RMDN2: variants seen among roughly 807,000 people sequenced by gnomAD.
RMDN2 encodes the protein regulator of microtubule dynamics 2, also known as regulator of microtubule dynamics protein 2.
In RMDN2, 61 loss-of-function variants were observed where a neutral mutation model predicts 52.8. The ratio of observed to expected loss-of-function variants is 1.16; its 90% CI spans 0.94 to 1.43. The LOEUF (loss-of-function observed/expected upper bound fraction) is 1.43, where lower values mean the gene tolerates loss of function less well. RMDN2 is among the 40% of genes most tolerant of loss of function. The probability of loss-of-function intolerance (pLI) is 0.00; values close to 1 mark genes in which losing one functional copy is unlikely to be tolerated. For synonymous variants in RMDN2, 180 were observed against 153.1 expected, an observed-to-expected ratio of 1.18 and a Z score of -1.30; for missense variants, 592 against 475.3, an observed-to-expected ratio of 1.25 and a Z score of -2.28.
At chr2:38,054,492 G>T (rs1681769977) in intron 10 of RMDN2, among the ~76,000 whole-genome samples, 1 of 152,172 alleles carries the variant, frequency 6.6e-6, no homozygotes, top group Non-Finnish European at 1.5e-5. Context: ...ATGCATTATG[G>T]ATATAGTTCA....
intron 7 of RMDN2, among the ~76,000 whole-genome samples, chr2:37,995,530 A>G (rs1675425378): frequency 6.6e-6 from 1 of 152,240 alleles, no homozygotes; most frequent in Non-Finnish European, 1.5e-5. Context: ...GGATAAATGT[A>G]CAGATCAACC....
chr2:37,987,215 C>A (rs1304692360), intron 5 of RMDN2, among the ~76,000 whole-genome samples: 2 of 152,068 alleles, frequency 1.3e-5, no homozygotes, highest in Admixed American at 1.3e-4. Context: ...ACACTATTTA[C>A]ATTAGCACCA....
chr2:37,987,482 G>A (rs1259367373), intron 5 of RMDN2, among the ~76,000 whole-genome samples: 1 of 152,120 alleles, frequency 6.6e-6, no homozygotes, highest in Non-Finnish European at 1.5e-5. Flanking sequence ...GACATTCTGG[G>A]AAAGACCAAA....
chr2:37,997,568 A>G lies in RMDN2; in HGVS notation c.1044+54A>G, dbSNP rs763040218. On this transcript the variant is annotated intron_variant, in intron 8 of 10. Coordinates refer to ENST00000354545, the MANE Select transcript of RMDN2 (RefSeq NM_001170791.3). ...GTCAGACTGATTACCATCTGCACCA[A>G]TCCCTGCTGCCGTTGTCAAGGAAAT... 3.6e-6 allele frequency: 4 copies of G among 1,106,688 alleles called. No homozygotes were observed. The South Asian group carries it at 3.8e-5, about 10-fold the overall frequency. The allele number at this position is 1,106,688 out of a possible 1,614,324, so 68.6% of individuals were successfully genotyped here.
chr2:37,939,674 G>C (rs1008208198), intron 2 of RMDN2, among the ~76,000 whole-genome samples: 2 of 152,066 alleles, frequency 1.3e-5, no homozygotes, highest in Non-Finnish European at 2.9e-5. Flanking sequence ...ATGTATGTTG[G>C]TTTAAAGTCT....
chr2:38,001,504 A>C (rs1676318170), intron 8 of RMDN2, among the ~76,000 whole-genome samples: 1 of 152,202 alleles, frequency 6.6e-6, no homozygotes, highest in Non-Finnish European at 1.5e-5. Context: ...TGGGCTTCAG[A>C]TTTTTAAACC....
At chr2:38,002,356 T>C (rs1293012667) in intron 8 of RMDN2, among the ~76,000 whole-genome samples, 3 of 152,142 alleles carry the variant, frequency 2.0e-5, no homozygotes, top group Admixed American at 1.3e-4. Context: ...GGAGAATAAA[T>C]CAAGATGTCC....
At chr2:37,955,575 G>A (rs1028507394) in intron 2 of RMDN2, among the ~76,000 whole-genome samples, 4 of 152,100 alleles carry the variant, frequency 2.6e-5, no homozygotes, top group Non-Finnish European at 5.9e-5. Flanking sequence ...GACCCAGGGG[G>A]AGGTAATTGA....
chr2:37,944,041 T>A (rs1400751016), intron 2 of RMDN2, among the ~76,000 whole-genome samples: 1 of 152,198 alleles, frequency 6.6e-6, no homozygotes, highest in African/African-American at 2.4e-5. Context: ...GGCTTGTCAT[T>A]TTGTTTACAC....
intron 5 of RMDN2, 143 bp downstream of exon 5, chr2:37,981,486 G>T (rs1029594118): frequency 1.7e-6 from 1 of 580,884 alleles, no homozygotes; most frequent in Non-Finnish European, 3.1e-6. Context: ...CACAGTAACT[G>T]TTCTTATTCT....
chr2:37,955,026 AT>A (rs1369738941), intron 2 of RMDN2, among the ~76,000 whole-genome samples: 2 of 152,146 alleles, frequency 1.3e-5, no homozygotes, highest in African/African-American at 2.4e-5. Context: ...AATACACCTG[AT>A]TTTTATATGT....
intron 10 of RMDN2, among the ~76,000 whole-genome samples, chr2:38,015,558 C>G (rs868121493): frequency 7.3e-6 from 1 of 137,438 alleles, no homozygotes; most frequent in Admixed American, 8.0e-5. Flanking sequence ...AGCGAGACTC[C>G]GTCTCAAAAA....
intron 2 of RMDN2, among the ~76,000 whole-genome samples, chr2:37,971,065 AATTT>A (rs1002035586): frequency 6.6e-6 from 1 of 151,846 alleles, no homozygotes; most frequent in African/African-American, 2.4e-5. Context: ...GATAAAGTCT[AATTT>A]ATTCATTTTT....
chr2:37,948,728 C>G (rs139629973), intron 2 of RMDN2, among the ~76,000 whole-genome samples: 34 of 152,212 alleles, frequency 2.2e-4, no homozygotes, highest in African/African-American at 7.9e-4. Context: ...TTTCTGATGT[C>G]TGAGCAGATC....
chr2:38,014,718 T>A (rs1234704297), intron 10 of RMDN2, among the ~76,000 whole-genome samples: 1 of 152,196 alleles, frequency 6.6e-6, no homozygotes, highest in Non-Finnish European at 1.5e-5. Context: ...TGAATATGTG[T>A]GTTTGGGTGA....
intron 2 of RMDN2, among the ~76,000 whole-genome samples, chr2:37,962,778 T>C (rs1047969850): frequency 1.3e-5 from 2 of 151,636 alleles, no homozygotes; most frequent in African/African-American, 2.4e-5. Context: ...TACCTCAGTG[T>C]CTGCTCAAAC....
chr2:38,038,199 C>T (rs1265108784), intron 10 of RMDN2, among the ~76,000 whole-genome samples: 1 of 152,158 alleles, frequency 6.6e-6, no homozygotes, highest in African/African-American at 2.4e-5. Context: ...CGGGACTTTC[C>T]ACTGGAGGCT....
intron 2 of RMDN2, among the ~76,000 whole-genome samples, chr2:37,970,844 A>T (rs938664063): frequency 6.6e-6 from 1 of 152,164 alleles, no homozygotes; most frequent in African/African-American, 2.4e-5. Context: ...TCCATCTTTT[A>T]AATTACATAA....
intron 10 of RMDN2, among the ~76,000 whole-genome samples, chr2:38,031,312 G>GAGT (rs1187729046): frequency 6.8e-6 from 1 of 146,514 alleles, no homozygotes; most frequent in Non-Finnish European, 1.5e-5. Flanking sequence ...GCCCAGGCTG[G>GAGT]AGTGCAGTGG....
Sources: gnomAD v4.1 joint callset for allele counts (sites outside exome capture counted in the v4.1 genomes callset) on GRCh38, gnomAD v4.1.1 for gene constraint, MANE v1.5 for transcripts, NCBI Gene and HGNC (gene_info 2026-07-23, HGNC 2026-07-21) for gene names.